Variants in POMT1 observed in about 807,000 individuals in gnomAD.
The protein encoded by POMT1 is protein O-mannosyltransferase 1.
Under a neutral mutation model 101.6 loss-of-function variants are expected in POMT1, and 85 were observed. That is an observed-to-expected ratio of 0.84 (90% CI 0.70 to 1.00). The LOEUF (loss-of-function observed/expected upper bound fraction) is 1.00. POMT1 is among the 50% of genes least tolerant of loss of function. The probability of loss-of-function intolerance (pLI) is 0.00; values close to 1 mark genes in which losing one functional copy is unlikely to be tolerated. For missense variants in POMT1, 857 were observed against 930.4 expected (o/e 0.92, Z 1.03); for synonymous variants, 371 against 383.0 (o/e 0.97, Z 0.37).
chr9:131,510,001 G>T lies in POMT1; in HGVS notation c.699+5G>T, dbSNP rs1346716407. 1 of 1,614,228 alleles carries T rather than the reference G, an allele frequency of 6.2e-7. No individual in the cohort carries two copies. The highest frequency in any genetic ancestry group is 1.7e-5 in the Admixed American group (1 of 60,022). On this transcript the variant is annotated splice_donor_5th_base_variant and intron_variant, in intron 8 of 19. Coordinates refer to ENST00000402686, the MANE Select transcript of POMT1 (RefSeq NM_001077365.2). ...GGAGACCAGACTTTGTCCAATGTAG[G>T]TGCTGATGTCCAGTGCTGCATGAGG...
rs749018170 is a variant in POMT1, at chr9:131,515,439, GC to G, written c.1195del (p.Leu399Ter). 14 of 1,614,154 alleles carry G rather than the reference GC, an allele frequency of 8.7e-6. No homozygotes were observed. Among genetic ancestry groups the G allele is most frequent in the Non-Finnish European group, 1.2e-5 (14 of 1,179,990 alleles). The part of the protein sequence containing the change: ...TRSLNTHDVA[A>X]PLSPHSQEVS... ...TTGGTTTTCCAGGCATGATGTTGCA[GC>G]CCCCCTGAGCCCCCATTCACAGGAG... On this transcript the variant is annotated frameshift_variant, in exon 13 of 20. Transcript: ENST00000402686. LOFTEE classifies it high-confidence loss of function.
Position 131,522,872 on chromosome 9 carries a change from G to A in POMT1, c.2004-60G>A. The A allele has an allele frequency of 6.7e-7, 1 of 1,498,924 alleles. No homozygotes were observed. Among genetic ancestry groups the A allele is most frequent in the Non-Finnish European group, 9.0e-7 (1 of 1,111,378 alleles). The allele number at this position is 1,498,924 out of a possible 1,614,324, so 92.9% of individuals were successfully genotyped here. A position where few individuals can be genotyped will look rare whatever the true frequency, so the allele number is the denominator to read the frequency against. ...TGTGGACAGCAGATGCCAAGAGGGT[G>A]CCGGGCAGGGAAGCCGCAGTGGTCA... is the stretch of plus-strand genomic sequence containing the variant. On this transcript the variant is annotated intron_variant, in intron 19 of 19. Transcript: ENST00000402686. This position sits in a 1 kb window ranked among gnomAD's most constrained non-coding sequence, Gnocchi z 5.5.
Position 131,504,202 on chromosome 9 carries a change from G to A in POMT1, c.-17G>A. 1 of 1,614,082 alleles carries A rather than the reference G, an allele frequency of 6.2e-7. No individual in the cohort carries two copies. The highest frequency in any genetic ancestry group is 8.5e-7 in the Non-Finnish European group (1 of 1,179,972). On this transcript the variant is annotated 5_prime_UTR_variant, in exon 2 of 20. Transcript: ENST00000402686. ...CTTCTTTTCTAGGGCGTCTGCCTGAGCCCGCTTTTCTACAAGATGTGGGGA... is the reference window on the plus strand; with the variant it reads ...CTTCTTTTCTAGGGCGTCTGCCTGAACCCGCTTTTCTACAAGATGTGGGGA...
In POMT1 at chr9:131,506,168, C is replaced by G; in HGVS notation, c.177C>G (p.Phe59Leu). The G allele has an allele frequency of 6.2e-7, 1 of 1,614,032 alleles. No homozygotes were observed. The highest frequency in any genetic ancestry group is 8.5e-7 in the Non-Finnish European group (1 of 1,180,002). The change falls in exon 3 of 20, where the codon TTC becomes TTG. Residue 59 changes from phenylalanine to leucine, a missense_variant. Physicochemically the swap from Phe to Leu is conservative, Grantham distance 22. Coordinates refer to ENST00000402686, the MANE Select transcript of POMT1 (RefSeq NM_001077365.2). ...QYISFYMKQI[F>L]FLDDSGPPFG... ...TCTCTTTTTACATGAAACAAATCTTCTTCTTGGATGACAGTGGGCCGCCAT... is the reference window on the plus strand; with the variant it reads ...TCTCTTTTTACATGAAACAAATCTTGTTCTTGGATGACAGTGGGCCGCCAT...
At chr9:131,520,276 C>A in intron 17 of POMT1, 83 bp downstream of exon 17, 1 of 1,191,540 alleles carries the variant, frequency 8.4e-7, no homozygotes, top group Non-Finnish European at 1.2e-6. Context: ...AGCCGCTGCA[C>A]CCTAGAAAGT....
chr9:131,514,137 C>T (rs1947752028), intron 12 of POMT1, among the ~76,000 whole-genome samples: 1 of 152,192 alleles, frequency 6.6e-6, no homozygotes, highest in East Asian at 1.9e-4. Context: ...CAGAACCAGC[C>T]CTGGGTAGGG....
intron 4 of POMT1, chr9:131,506,704 A>T (rs2131595285): frequency 1.9e-6 from 1 of 530,646 alleles, no homozygotes; most frequent in East Asian, 3.4e-5. Flanking sequence ...TGGTACACGT[A>T]TCACAGAGCG....
In POMT1 at chr9:131,515,537, G is replaced by C; in HGVS notation, c.1272+15G>C. On this transcript the variant is annotated intron_variant, in intron 13 of 19. Coordinates refer to ENST00000402686, the MANE Select transcript of POMT1 (RefSeq NM_001077365.2). ...TCTGGAGACTGGTGAGTAAGGCTGC[G>C]GCTATAGCAGCCACAACCGTCAGTA... 6.2e-7 allele frequency: 1 copy of C among 1,606,972 alleles called. No homozygotes were observed. The highest frequency in any genetic ancestry group is 1.1e-5 in the South Asian group (1 of 90,968).
At position 131,504,329 on chromosome 9, in the gene POMT1, G is replaced by T; in HGVS notation, c.111G>T (p.Pro37=). The change falls in exon 2 of 20, where the codon CCG becomes CCT. Residue 37 remains proline, a synonymous_variant. Coordinates refer to ENST00000402686, the MANE Select transcript of POMT1 (RefSeq NM_001077365.2). ...GCCGGCTGTGGCGACTCACCTACCC[G>T]CGGGCTGTGGTGTAAGCTAAATGAC... ...LLSRLWRLTY[P]RAVVFDEVYY... is the part of the protein sequence containing the mutation. 2 of 1,614,214 alleles carry T rather than the reference G, an allele frequency of 1.2e-6. No individual in the cohort carries two copies. The highest frequency in any genetic ancestry group is 1.3e-5 in the African/African-American group (1 of 75,048).
intron 13 of POMT1, chr9:131,518,145 T>A (rs1057393764): frequency 3.2e-5 from 14 of 437,728 alleles, no homozygotes; most frequent in African/African-American, 2.0e-4. Context: ...CTGAGCCCTA[T>A]GAATAGGCTT....
At chr9:131,507,290 ATGTGAAAGCATAGCTGCAG>A in intron 4 of POMT1, 59 bp from the exon 5 acceptor site, 1 of 1,601,462 alleles carries the variant, frequency 6.2e-7, no homozygotes, top group African/African-American at 1.3e-5. Flanking sequence ...TGACGGCGCT[ATGTGAAAGCATAGCTGCAG>A]TACACAGAGA....
In POMT1 at chr9:131,522,943, A is replaced by G; in HGVS notation, c.2015A>G (p.Gln672Arg). 1 of 1,593,124 alleles carries G rather than the reference A, an allele frequency of 6.3e-7. No homozygotes were observed. Among genetic ancestry groups the G allele is most frequent in the South Asian group, 1.1e-5 (1 of 88,830 alleles). The stretch of plus-strand genomic sequence containing the variant: ...TCTGACCTCTGCAGGTCCCAGCTCC[A>G]GAGGAGCATCTTCAGCGCCCTGGTG... ...ISDHLCRSQLQRSIFSALVVA... is the reference protein window; with the variant it reads ...ISDHLCRSQLRRSIFSALVVA... The change falls in exon 20 of 20, where the codon CAG (glutamine) becomes CGG (arginine). Residue 672 changes from glutamine to arginine, a missense_variant. By Grantham distance (43) the Gln-to-Arg change is conservative. Coordinates refer to ENST00000402686, the MANE Select transcript of POMT1 (RefSeq NM_001077365.2). The surrounding 1 kb of genome is among the most constrained non-coding windows in gnomAD (Gnocchi z 5.5).
chr9:131,518,508 G>T lies in POMT1; in HGVS notation c.1336G>T (p.Val446Leu), dbSNP rs778168232. ...WKTILSEVRFVHVNTSAVLKL... is the reference protein window; with the variant it reads ...WKTILSEVRFLHVNTSAVLKL... ...GACCATCCTCTCAGAGGTCCGCTTTGTGCACGTGAACACTTCCGCTGTCTT... is the reference window on the plus strand; with the variant it reads ...GACCATCCTCTCAGAGGTCCGCTTTTTGCACGTGAACACTTCCGCTGTCTT... The change falls in exon 14 of 20, where the codon GTG becomes TTG. Residue 446 changes from valine (V) to leucine (L), a missense_variant. Val to Leu is a conservative substitution (Grantham distance 32). Coordinates refer to ENST00000402686, the MANE Select transcript of POMT1 (RefSeq NM_001077365.2). 2 of 1,613,926 alleles carry T rather than the reference G, an allele frequency of 1.2e-6. No individual in the cohort carries two copies. Among genetic ancestry groups the T allele is most frequent in the South Asian group, 2.2e-5 (2 of 91,080 alleles).
Position 131,507,361 on chromosome 9 carries a change from T to G in POMT1, c.281-7T>G. 2 of 1,614,120 alleles carry G rather than the reference T, an allele frequency of 1.2e-6. No homozygotes were observed. The highest frequency in any genetic ancestry group is 1.7e-6 in the Non-Finnish European group (2 of 1,180,034). On this transcript the variant is annotated splice_polypyrimidine_tract_variant and splice_region_variant and intron_variant, in intron 4 of 19. Transcript: ENST00000402686. ...TAGTCAGCTCTGCAGTGTGGTTGCTTTTCCAGAATACAGTAGCAACGTGCC... is the reference window on the plus strand; with the variant it reads ...TAGTCAGCTCTGCAGTGTGGTTGCTGTTCCAGAATACAGTAGCAACGTGCC...
intron 10 of POMT1, 198 bp from the exon 11 acceptor site, chr9:131,511,843 G>C: frequency 1.6e-6 from 1 of 634,882 alleles, no homozygotes; most frequent in Non-Finnish European, 2.8e-6. Context: ...CCCGATCGAT[G>C]ACCCACTTCC....
At chr9:131,510,108 AGGCCTG>A (rs760491092) in intron 8 of POMT1, 112 bp downstream of exon 8, 48 of 1,613,326 alleles carry the variant, frequency 3.0e-5, no homozygotes, top group Middle Eastern at 1.6e-4. Flanking sequence ...AGAAGCAGGC[AGGCCTG>A]GGCAGCCTCG....
Position 131,504,255 on chromosome 9 carries a change from G to A in POMT1, c.37G>A (p.Ala13Thr). 1 of 1,614,176 alleles carries A rather than the reference G, an allele frequency of 6.2e-7. No individual in the cohort carries two copies. Among genetic ancestry groups the A allele is most frequent in the Non-Finnish European group, 8.5e-7 (1 of 1,180,032 alleles). ...TTTGAAGCGCCCTGTAGTGGTGACGGCTGACATCAACTTGAGCCTTGTGGC... is the reference window on the plus strand; with the variant it reads ...TTTGAAGCGCCCTGTAGTGGTGACGACTGACATCAACTTGAGCCTTGTGGC... ...GFLKRPVVVT[A>T]DINLSLVALT... Residue 13 changes from alanine (A) to threonine (T), a missense_variant, in exon 2 of 20, where the codon GCT becomes ACT. Ala to Thr is a moderately conservative substitution (Grantham distance 58). Transcript: ENST00000402686.
Position 131,518,819 on chromosome 9 carries a change from C to G in POMT1, c.1366-18C>G. 1 of 1,613,952 alleles carries G rather than the reference C, an allele frequency of 6.2e-7. No homozygotes were observed. Among genetic ancestry groups the G allele is most frequent in the South Asian group, 1.1e-5 (1 of 91,088 alleles). Reference sequence around the variant, plus strand: ...CGGCCTTCCCATCACGCCCTTTACTCTCCTGCGGTGTCACCAGCTGAGCGG... The same window carrying G: ...CGGCCTTCCCATCACGCCCTTTACTGTCCTGCGGTGTCACCAGCTGAGCGG... On this transcript the variant is annotated intron_variant, in intron 14 of 19. Coordinates refer to ENST00000402686, the MANE Select transcript of POMT1 (RefSeq NM_001077365.2).
intron 13 of POMT1, among the ~76,000 whole-genome samples, chr9:131,515,843 CGG>C (rs1948324000): frequency 8.1e-6 from 1 of 124,114 alleles, no homozygotes; most frequent in Non-Finnish European, 1.8e-5. Flanking sequence ...CTTCCTCACA[CGG>C]AGCACTTCCT....
Sources: gnomAD v4.1 joint callset for allele counts (sites outside exome capture counted in the v4.1 genomes callset) on GRCh38, gnomAD v4.1.1 for gene constraint, Gnocchi (gnomAD v3.1) non-coding constraint, MANE v1.5 for transcripts, NCBI Gene and HGNC (gene_info 2026-07-23, HGNC 2026-07-21) for gene names.